The following RNF169 variants were observed in gnomAD, a reference collection of about 807,000 sequenced individuals.
The protein encoded by RNF169 is E3 ubiquitin-protein ligase RNF169.
RNF169 carries 24 observed loss-of-function variants against 53.9 expected under a neutral mutation model. The observed-to-expected ratio is 0.45, with a 90% CI of 0.32 to 0.63. RNF169 has a LOEUF of 0.63. RNF169 is among the 20% of genes least tolerant of loss of function. The probability of loss-of-function intolerance (pLI) is 0.04; values close to 1 mark genes in which losing one functional copy is unlikely to be tolerated. For missense variants in RNF169, 883 were observed against 906.2 expected (o/e 0.97, Z 0.33); for synonymous variants, 396 against 363.5 (o/e 1.09, Z -1.02).
chr11:74,811,349 C>T (rs1235882875), intron 3 of RNF169, among the ~76,000 whole-genome samples: 3 of 152,108 alleles, frequency 2.0e-5, no homozygotes, highest in Admixed American at 1.3e-4. Flanking sequence ...TCAAGCAATC[C>T]TCCTACCTCA....
rs1288135896 is a variant in RNF169, at chr11:74,785,114, T to C, written c.503-4512T>C. Reference sequence around the variant, plus strand: ...GGCCGGTATTTTGATCCCCATTTGATAGACAGGAAGACTAAGGCAAAGAGA... The same window carrying C: ...GGCCGGTATTTTGATCCCCATTTGACAGACAGGAAGACTAAGGCAAAGAGA... On this transcript the variant is annotated intron_variant, in intron 1 of 5. Coordinates refer to ENST00000299563, the MANE Select transcript of RNF169 (RefSeq NM_001098638.2). Among the ~76,000 whole-genome samples, 4 of 147,882 alleles carry C rather than the reference T, an allele frequency of 2.7e-5. No homozygotes were observed. In the East Asian group the frequency reaches 7.8e-4, roughly 29 times the overall value.
At chr11:74,800,914 T>C (rs571684753) in intron 2 of RNF169, among the ~76,000 whole-genome samples, 1 of 152,344 alleles carries the variant, frequency 6.6e-6, no homozygotes, top group East Asian at 1.9e-4. Context: ...CCGGTTCAAT[T>C]TATATGTAAA....
chr11:74,814,807 T>C (rs4483614), intron 3 of RNF169, among the ~76,000 whole-genome samples: 38,420 of 152,158 alleles, frequency 0.25, 5,778 homozygotes, highest in East Asian at 0.54. Flanking sequence ...TTAAACACCA[T>C]TGTGATGGAA....
intron 2 of RNF169, among the ~76,000 whole-genome samples, chr11:74,804,406 T>C (rs948578545): frequency 6.6e-6 from 1 of 152,232 alleles, no homozygotes; most frequent in Non-Finnish European, 1.5e-5. Context: ...AACGATAAAC[T>C]ATGCAGTACG....
chr11:74,805,198 G>A (rs2035786892), intron 2 of RNF169, among the ~76,000 whole-genome samples: 1 of 152,202 alleles, frequency 6.6e-6, no homozygotes, highest in Non-Finnish European at 1.5e-5. Context: ...TATCTTATCC[G>A]TATAAAGGAG....
At chr11:74,807,115 A>G (rs2035816948) in intron 2 of RNF169, among the ~76,000 whole-genome samples, 2 of 152,124 alleles carry the variant, frequency 1.3e-5, no homozygotes, top group South Asian at 4.1e-4. Context: ...ACAGTAGTGG[A>G]TGGCTTCATT....
At chr11:74,777,977 G>C (rs1372574941) in intron 1 of RNF169, among the ~76,000 whole-genome samples, 2 of 152,046 alleles carry the variant, frequency 1.3e-5, no homozygotes, top group Non-Finnish European at 2.9e-5. Context: ...AGCAAACTAC[G>C]GTCAGCAGGC....
chr11:74,835,636 A>G lies in RNF169; in HGVS notation c.1033A>G (p.Ile345Val), dbSNP rs770182616. The G allele has an allele frequency of 1.2e-6, 2 of 1,614,118 alleles. No homozygotes were observed. The highest frequency in any genetic ancestry group is 4.5e-5 in the East Asian group (2 of 44,872). ...NRCVSAPDLT[I>V]EKRLPFSSLS... ...CTGCGTCTCGGCCCCTGACTTAACCATCGAAAAGCGTCTACCCTTCAGCTC... is the reference window on the plus strand; with the variant it reads ...CTGCGTCTCGGCCCCTGACTTAACCGTCGAAAAGCGTCTACCCTTCAGCTC... The change falls in exon 6 of 6, where the codon ATC (isoleucine) becomes GTC (valine). Residue 345 changes from isoleucine to valine, a missense_variant. Transcript: ENST00000299563.
At chr11:74,831,624 C>G (rs1267371568) in intron 4 of RNF169, 1 of 147,870 alleles carries the variant, frequency 6.8e-6, no homozygotes, top group East Asian at 2.0e-4. Flanking sequence ...ATCTTTTTTG[C>G]AGAAATGGAC....
intron 3 of RNF169, among the ~76,000 whole-genome samples, chr11:74,814,547 G>C (rs2035918637): frequency 6.7e-6 from 1 of 149,604 alleles, no homozygotes; most frequent in African/African-American, 2.5e-5. Flanking sequence ...TGCCTGACTA[G>C]TTTTTTTTTC....
chr11:74,822,506 G>T (rs1480099655), intron 4 of RNF169, among the ~76,000 whole-genome samples: 1 of 152,212 alleles, frequency 6.6e-6, no homozygotes, highest in Admixed American at 6.5e-5. Flanking sequence ...TATGTGTTCA[G>T]ATAGACAGAG....
intron 4 of RNF169, among the ~76,000 whole-genome samples, chr11:74,824,115 T>G (rs905088896): frequency 2.6e-5 from 4 of 151,978 alleles, no homozygotes; most frequent in Non-Finnish European, 4.4e-5. Flanking sequence ...TTAAATCATA[T>G]CCTCAAGAGC....
chr11:74,775,288 G>A (rs1266190784), intron 1 of RNF169, among the ~76,000 whole-genome samples: 1 of 152,090 alleles, frequency 6.6e-6, no homozygotes. Context: ...CATTAATAGG[G>A]ATGTTTCTCC....
At chr11:74,798,066 T>G (rs2035674447) in intron 2 of RNF169, among the ~76,000 whole-genome samples, 1 of 152,186 alleles carries the variant, frequency 6.6e-6, no homozygotes. Context: ...AGGATGTATG[T>G]CGCCTCAGGA....
rs548811665 is a variant in RNF169 at position 74,791,897 on chromosome 11, C to T, written c.576+2198C>T. Among the ~76,000 whole-genome samples, 5 of 152,340 alleles carry T rather than the reference C, an allele frequency of 3.3e-5. No homozygotes were observed. In the South Asian group the frequency reaches 8.3e-4, roughly 25 times the overall value. ...GCTGACACCTGCCGGCTCCGTGGAG[C>T]GTACAGCCCCAGCTGTGCCTTTCCC... On this transcript the variant is annotated intron_variant, in intron 2 of 5. Coordinates refer to ENST00000299563, the MANE Select transcript of RNF169 (RefSeq NM_001098638.2).
intron 4 of RNF169, among the ~76,000 whole-genome samples, chr11:74,825,032 A>G (rs1235056630): frequency 6.6e-6 from 1 of 152,254 alleles, no homozygotes; most frequent in Non-Finnish European, 1.5e-5. Flanking sequence ...TCATGCAAAC[A>G]GTAAACAAGA....
At chr11:74,797,228 G>A (rs1000020455) in intron 2 of RNF169, among the ~76,000 whole-genome samples, 6 of 152,086 alleles carry the variant, frequency 3.9e-5, no homozygotes, top group Admixed American at 1.3e-4. Context: ...AATTATCTTC[G>A]AAATTACATT....
intron 1 of RNF169, among the ~76,000 whole-genome samples, 189 bp from the exon 2 acceptor site, chr11:74,789,437 A>G (rs1444987021): frequency 6.6e-6 from 1 of 152,212 alleles, no homozygotes; most frequent in Non-Finnish European, 1.5e-5. Flanking sequence ...TGAGGGTATA[A>G]AGAAGTGTCA....
At chr11:74,807,785 C>T (rs1461176661) in intron 2 of RNF169, 1 of 152,156 alleles carries the variant, frequency 6.6e-6, no homozygotes, top group Non-Finnish European at 1.5e-5. Flanking sequence ...CTTTCTCACC[C>T]TCCCTTAGTC....
Sources: gnomAD v4.1 joint callset for allele counts (sites outside exome capture counted in the v4.1 genomes callset) on GRCh38, gnomAD v4.1.1 for gene constraint, MANE v1.5 for transcripts, NCBI Gene and HGNC (gene_info 2026-07-23, HGNC 2026-07-21) for gene names.